Variants in PCDHGA2 observed in about 807,000 individuals in gnomAD.
The protein encoded by PCDHGA2 is protocadherin gamma-A2.
PCDHGA2 carries 40 observed loss-of-function variants against 59.2 expected under a neutral mutation model. The ratio of observed to expected loss-of-function variants is 0.68; its 90% CI spans 0.52 to 0.88. The LOEUF is 0.88. Ranked by LOEUF, PCDHGA2 falls within the 40% of genes least tolerant of loss-of-function variation. PCDHGA2 has a pLI of 0.00. For missense variants in PCDHGA2, 1,226 were observed against 1,204.0 expected (o/e 1.02, Z -0.27); for synonymous variants, 560 against 526.0 (o/e 1.06, Z -0.89).
At chr5:141,447,797 T>C (rs536848880) in intron 1 of PCDHGA2, among the ~76,000 whole-genome samples, 16 of 152,022 alleles carry the variant, frequency 1.1e-4, no homozygotes, top group Admixed American at 7.9e-4. Context: ...TTTAAGAAAA[T>C]AAAATTGGCT....
At chr5:141,404,347 C>T (rs1451476815) in intron 1 of PCDHGA2, 6 of 1,613,796 alleles carry the variant, frequency 3.7e-6, no homozygotes, top group African/African-American at 2.7e-5. Context: ...CGGAAAACAA[C>T]GCCAGAGGTA....
chr5:141,501,300 C>T (rs867143352), intron 2 of PCDHGA2, among the ~76,000 whole-genome samples: 2,626 of 150,646 alleles, frequency 0.017, 74 homozygotes, highest in African/African-American at 0.06. Context: ...TACACACACA[C>T]ACACACACAC....
At chr5:141,360,845 A>G in intron 1 of PCDHGA2, 2 of 1,614,014 alleles carry the variant, frequency 1.2e-6, no homozygotes, top group Non-Finnish European at 1.7e-6. Context: ...GATGCCAACG[A>G]TAACCCTCCA....
In PCDHGA2 at chr5:141,409,653, A is replaced by G. The variant is rs763812886; in HGVS notation, c.2424+68258A>G. 10 of 1,613,542 alleles carry G rather than the reference A, an allele frequency of 6.2e-6. No homozygotes were observed. The East Asian group carries it at 8.9e-5, about 14-fold the overall frequency. ...GCCTCTGACCCGGATTTGGGGCTCAATGGCCACATCTCCTACTCTATAGTG... is the reference window on the plus strand; with the variant it reads ...GCCTCTGACCCGGATTTGGGGCTCAGTGGCCACATCTCCTACTCTATAGTG... On this transcript the variant is annotated intron_variant, in intron 1 of 3. Transcript: ENST00000394576.
Position 141,487,532 on chromosome 5 carries a change from A to C in PCDHGA2, c.2425-7275A>C. 6.2e-7 allele frequency: 1 copy of C among 1,614,158 alleles called. No homozygotes were observed. Among genetic ancestry groups the C allele is most frequent in the Non-Finnish European group, 8.5e-7 (1 of 1,180,022 alleles). On this transcript the variant is annotated intron_variant, in intron 1 of 3. Transcript: ENST00000394576. This position sits in a 1 kb window ranked among gnomAD's most constrained non-coding sequence, Gnocchi z 5.0. Reference sequence around the variant, plus strand: ...ACCCACTCGGAGTGATAGCTTCATGATGGTGAAGTCACCCAGTGCACCTAT... The same window carrying C: ...ACCCACTCGGAGTGATAGCTTCATGCTGGTGAAGTCACCCAGTGCACCTAT...
intron 1 of PCDHGA2, chr5:141,364,978 T>C (rs753013611): frequency 1.9e-5 from 31 of 1,613,774 alleles, no homozygotes; most frequent in Admixed American, 5.0e-5. Context: ...CAGCTTTAGA[T>C]GGCGGAGACC....
At chr5:141,509,670 T>G (rs2099877782) in intron 3 of PCDHGA2, among the ~76,000 whole-genome samples, 1 of 152,136 alleles carries the variant, frequency 6.6e-6, no homozygotes, top group African/African-American at 2.4e-5. Flanking sequence ...TGGGCCCCAG[T>G]TTCTTCTTCT....
intron 1 of PCDHGA2, chr5:141,441,857 ACGCCGC>A (rs2098279969): frequency 2.8e-6 from 1 of 352,664 alleles, no homozygotes; most frequent in Non-Finnish European, 5.6e-6. Flanking sequence ...ATGGTGCTGC[ACGCCGC>A]GGAGCCTGGC....
Position 141,431,706 on chromosome 5 carries a change from A to T in PCDHGA2, c.2425-63101A>T. The T allele has an allele frequency of 6.2e-7, 1 of 1,614,248 alleles. No homozygotes were observed. The highest frequency in any genetic ancestry group is 8.5e-7 in the Non-Finnish European group (1 of 1,180,048). On this transcript the variant is annotated intron_variant, in intron 1 of 3. Coordinates refer to ENST00000394576, the MANE Select transcript of PCDHGA2 (RefSeq NM_018915.4). The surrounding 1 kb of genome is among the most constrained non-coding windows in gnomAD (Gnocchi z 4.8). ...GACCACGAGGAGTCAGGATTCTACC[A>T]GATGGAAGTGCAAGCAATGGATAAT...
At chr5:141,480,948 G>C (rs1288557779) in intron 1 of PCDHGA2, among the ~76,000 whole-genome samples, 1 of 152,138 alleles carries the variant, frequency 6.6e-6, no homozygotes, top group Non-Finnish European at 1.5e-5. Context: ...TAGAGGCTGA[G>C]GCGGAAGCAT....
At chr5:141,507,833 G>C (rs1184502436) in intron 3 of PCDHGA2, among the ~76,000 whole-genome samples, 2 of 152,172 alleles carry the variant, frequency 1.3e-5, no homozygotes, top group East Asian at 3.9e-4. Flanking sequence ...GGAGGTGGTG[G>C]GTCAGGCCCT....
intron 1 of PCDHGA2, among the ~76,000 whole-genome samples, chr5:141,363,429 T>A (rs1762921344): frequency 6.6e-6 from 1 of 152,366 alleles, no homozygotes; most frequent in Admixed American, 6.5e-5. Context: ...TGTCTCAACA[T>A]AGAAAGGTCA....
At position 141,486,931 on chromosome 5, in the gene PCDHGA2, T is replaced by C. The variant is rs201042803; in HGVS notation, c.2425-7876T>C. 2 of 1,614,258 alleles carry C rather than the reference T, an allele frequency of 1.2e-6. No homozygotes were observed. Among genetic ancestry groups the C allele is most frequent in the East Asian group, 2.2e-5 (1 of 44,876 alleles). ...AAGCACTGCCTCCATCAGTTGGTGC[T>C]GGCCACCTAATCACAAAGGTGACTG... On this transcript the variant is annotated intron_variant, in intron 1 of 3. Coordinates refer to ENST00000394576, the MANE Select transcript of PCDHGA2 (RefSeq NM_018915.4). This position sits in a 1 kb window ranked among gnomAD's most constrained non-coding sequence, Gnocchi z 5.0.
intron 1 of PCDHGA2, chr5:141,409,926 T>G: frequency 6.2e-7 from 1 of 1,613,344 alleles, no homozygotes; most frequent in Non-Finnish European, 8.5e-7. Flanking sequence ...TCCGCGTTCT[T>G]CGATATGGTA....
At chr5:141,404,779 C>G in intron 1 of PCDHGA2, 1 of 1,613,746 alleles carries the variant, frequency 6.2e-7, no homozygotes, top group Non-Finnish European at 8.5e-7. Context: ...ACCGCCTATT[C>G]AAGGCCAGTG....
At chr5:141,376,179 C>T (rs777443061) in intron 1 of PCDHGA2, 9 of 1,614,014 alleles carry the variant, frequency 5.6e-6, no homozygotes, top group East Asian at 4.5e-5. Context: ...GCGGTGGCCG[C>T]GGTCTCCTGC....
chr5:141,384,742 G>A (rs1477575254), intron 1 of PCDHGA2: 1 of 1,613,976 alleles, frequency 6.2e-7, no homozygotes, highest in African/African-American at 1.3e-5. Flanking sequence ...CAGCGAGCCA[G>A]GACTCTTTGC....
chr5:141,342,949 C>T (rs2149729507), intron 1 of PCDHGA2: 1 of 152,304 alleles, frequency 6.6e-6, no homozygotes, highest in East Asian at 1.9e-4. Flanking sequence ...CACACCTAGG[C>T]ATTGTCATGC....
chr5:141,496,916 T>C (rs1252437822), intron 2 of PCDHGA2, among the ~76,000 whole-genome samples: 4 of 148,274 alleles, frequency 2.7e-5, no homozygotes, highest in African/African-American at 9.9e-5. Context: ...CTGGGCACTG[T>C]GGTTCACGCC....
Sources: allele counts gnomAD v4.1 joint callset (sites outside exome capture counted in the v4.1 genomes callset), GRCh38; gene constraint gnomAD v4.1.1; non-coding constraint Gnocchi (gnomAD v3.1); transcripts MANE v1.5; gene names NCBI Gene and HGNC (gene_info 2026-07-23, HGNC 2026-07-21).